Variants in EHBP1 observed in about 807,000 individuals in gnomAD.
EHBP1 encodes EH domain-binding protein 1.
Under a neutral mutation model 144.0 loss-of-function variants are expected in EHBP1, and 55 were observed. The ratio of observed to expected loss-of-function variants is 0.38; its 90% confidence interval spans 0.31 to 0.48. EHBP1 has a LOEUF of 0.48. Ranked by LOEUF, EHBP1 falls within the 20% of genes least tolerant of loss-of-function variation. The pLI is 0.98. For synonymous variants in EHBP1, 469 were observed against 472.7 expected, an observed-to-expected ratio of 0.99 and a Z score of 0.10; for missense variants, 1,200 against 1,364.2, an observed-to-expected ratio of 0.88 and a Z score of 1.90.
chr2:62,845,750 G>C (rs1353852736), intron 7 of EHBP1, among the ~76,000 whole-genome samples: 1 of 150,592 alleles, frequency 6.6e-6, no homozygotes, highest in Non-Finnish European at 1.5e-5. Context: ...TGTAGTCCCA[G>C]CTACTTGGAG....
intron 10 of EHBP1, among the ~76,000 whole-genome samples, chr2:62,891,701 G>A (rs2152916248): frequency 6.6e-6 from 1 of 152,150 alleles, no homozygotes; most frequent in East Asian, 1.9e-4. Flanking sequence ...GGCTCCATTA[G>A]CGCTATTATC....
At chr2:62,744,325 T>C (rs2038965742) in intron 2 of EHBP1, among the ~76,000 whole-genome samples, 1 of 152,058 alleles carries the variant, frequency 6.6e-6, no homozygotes, top group African/African-American at 2.4e-5. Flanking sequence ...TAATTGTAGG[T>C]TTATTGGTAG....
chr2:62,949,728 G>GTC (rs2057278584), intron 13 of EHBP1, among the ~76,000 whole-genome samples: 1 of 151,964 alleles, frequency 6.6e-6, no homozygotes, highest in Admixed American at 6.6e-5. Context: ...ATCATTACTT[G>GTC]TGGTTAAAAA....
chr2:62,774,646 C>G (rs2041927017), intron 5 of EHBP1, among the ~76,000 whole-genome samples: 1 of 152,076 alleles, frequency 6.6e-6, no homozygotes, highest in East Asian at 1.9e-4. Context: ...TGATTCAAGA[C>G]CAGCCTGGGC....
intron 2 of EHBP1, among the ~76,000 whole-genome samples, chr2:62,746,532 GC>G (rs2039171348): frequency 1.3e-5 from 2 of 152,004 alleles, no homozygotes; most frequent in Non-Finnish European, 2.9e-5. Context: ...TGGTTAAGAA[GC>G]TTTTATCTAA....
At position 62,786,014 on chromosome 2, in the gene EHBP1, C is replaced by T. The variant is rs565579284; in HGVS notation, c.312+14622C>T. On this transcript the variant is annotated intron_variant, in intron 5 of 22. Transcript: ENST00000431489. Reference sequence around the variant, plus strand: ...GGGCATTAGTTGTCTACTGCATTCCCGTATGTAACCAACTAAACATTGTTA... The same window carrying T: ...GGGCATTAGTTGTCTACTGCATTCCTGTATGTAACCAACTAAACATTGTTA... Among the ~76,000 whole-genome samples the T allele has an allele frequency of 3.3e-5, 5 of 152,232 alleles. No individual in the cohort carries two copies. In the South Asian group the frequency reaches 8.3e-4, roughly 25 times the overall value.
chr2:62,894,927 AAGAGAGAG>A (rs57403564), intron 10 of EHBP1, among the ~76,000 whole-genome samples: 16 of 141,110 alleles, frequency 1.1e-4, no homozygotes, highest in Admixed American at 2.9e-4. Flanking sequence ...AACAGAAAGA[AAGAGAGAG>A]AGAGAGAGAG....
chr2:62,715,821 C>G (rs2035618487), intron 2 of EHBP1, among the ~76,000 whole-genome samples: 1 of 152,164 alleles, frequency 6.6e-6, no homozygotes, highest in African/African-American at 2.4e-5. Context: ...TCTGAGCTGC[C>G]TACTTAGACT....
intron 5 of EHBP1, among the ~76,000 whole-genome samples, chr2:62,822,950 T>G (rs879898386): frequency 6.6e-6 from 1 of 152,180 alleles, no homozygotes; most frequent in Non-Finnish European, 1.5e-5. Flanking sequence ...GTGACATTTT[T>G]AAATTTAAAT....
chr2:62,751,951 T>G (rs2039771588), intron 3 of EHBP1, among the ~76,000 whole-genome samples: 2 of 152,116 alleles, frequency 1.3e-5, no homozygotes, highest in Non-Finnish European at 2.9e-5. Flanking sequence ...GATTCATTTT[T>G]TTTTTGAAGG....
chr2:62,934,626 G>A (rs1269180001), intron 10 of EHBP1, among the ~76,000 whole-genome samples: 1 of 152,182 alleles, frequency 6.6e-6, no homozygotes, highest in Non-Finnish European at 1.5e-5. Context: ...GTGGGTAAGT[G>A]TGGACCACTC....
chr2:62,720,250 G>GT (rs1353927522), intron 2 of EHBP1, among the ~76,000 whole-genome samples: 1 of 152,192 alleles, frequency 6.6e-6, no homozygotes, highest in Non-Finnish European at 1.5e-5. Context: ...AACCCAGAAA[G>GT]TTTGGGAACC....
chr2:63,030,827 G>A (rs1427128239), intron 19 of EHBP1, among the ~76,000 whole-genome samples: 5 of 118,992 alleles, frequency 4.2e-5, no homozygotes, highest in South Asian at 2.5e-4. Context: ...ATGGAGTTTC[G>A]CTCTGTCGTC....
intron 21 of EHBP1, among the ~76,000 whole-genome samples, 186 bp downstream of exon 21, chr2:63,039,002 T>TGTTTG (rs2061554636): frequency 6.6e-6 from 1 of 152,184 alleles, no homozygotes; most frequent in Non-Finnish European, 1.5e-5. Flanking sequence ...AGATAGATAA[T>TGTTTG]CATTATGTTT....
chr2:63,036,711 A>T (rs1036045537), intron 19 of EHBP1, among the ~76,000 whole-genome samples: 1 of 151,964 alleles, frequency 6.6e-6, no homozygotes, highest in African/African-American at 2.4e-5. Context: ...CTTCAGTATA[A>T]TTGTGGCCTA....
intron 14 of EHBP1, among the ~76,000 whole-genome samples, chr2:62,973,214 T>A (rs1197249579): frequency 6.6e-6 from 1 of 152,204 alleles, no homozygotes; most frequent in Non-Finnish European, 1.5e-5. Flanking sequence ...ATTTATTTCA[T>A]CTTAACTCAG....
chr2:62,873,623 G>A (rs939773167), intron 9 of EHBP1, among the ~76,000 whole-genome samples: 2 of 152,186 alleles, frequency 1.3e-5, no homozygotes, highest in Admixed American at 1.3e-4. Context: ...GGAAATACAA[G>A]GAGTCTGAAA....
chr2:63,009,622 T>C (rs1410298151), intron 19 of EHBP1, among the ~76,000 whole-genome samples: 1 of 151,498 alleles, frequency 6.6e-6, no homozygotes, highest in African/African-American at 2.4e-5. Context: ...TTACTGTAGA[T>C]GGAGTAATTG....
At chr2:62,694,827 C>T (rs1489000295) in intron 1 of EHBP1, among the ~76,000 whole-genome samples, 1 of 152,092 alleles carries the variant, frequency 6.6e-6, no homozygotes, top group Non-Finnish European at 1.5e-5. Context: ...AGCAGGATAC[C>T]TATCTTTATA....
Sources: gnomAD v4.1 joint callset for allele counts (sites outside exome capture counted in the v4.1 genomes callset) on GRCh38, gnomAD v4.1.1 for gene constraint, MANE v1.5 for transcripts, NCBI Gene and HGNC (gene_info 2026-07-23, HGNC 2026-07-21) for gene names.